Variants in C3orf49 observed in about 807,000 individuals in gnomAD.
C3orf49 encodes chromosome 3 open reading frame 49.
A neutral mutation model predicts 13.3 loss-of-function variants in C3orf49; 27 were observed. That is an observed-to-expected ratio of 2.02 (90% CI 1.49 to 2.79). The LOEUF (loss-of-function observed/expected upper bound fraction) is 2.79, where lower values mean the gene tolerates loss of function less well. Among genes scored for constraint, C3orf49 ranks in the 30% most tolerant of loss-of-function variants. The probability of loss-of-function intolerance (pLI) is 0.00; values close to 1 mark genes in which losing one functional copy is unlikely to be tolerated. For missense variants in C3orf49, 242 were observed against 134.2 expected, an observed-to-expected ratio of 1.80 and a Z score of -3.97; for synonymous variants, 87 against 47.6, an observed-to-expected ratio of 1.83 and a Z score of -3.40.
chr3:63,847,677 C>T (rs1701927270), intron 6 of C3orf49, among the ~76,000 whole-genome samples: 3 of 151,908 alleles, frequency 2.0e-5, no homozygotes, highest in African/African-American at 4.8e-5. Flanking sequence ...GCAGAGGTTG[C>T]AGTGAGCCAA....
the C3orf49 span, among the ~76,000 whole-genome samples, chr3:63,795,291 A>G: frequency 3.0e-4 from 46 of 152,050 alleles, no homozygotes; most frequent in Non-Finnish European, 5.0e-4. Flanking sequence ...CCAATGGGAA[A>G]CGTCTAGGGG....
At chr3:63,786,964 C>T in the C3orf49 span, 2 of 152,114 alleles carry the variant, frequency 1.3e-5, no homozygotes, top group Non-Finnish European at 2.9e-5. Context: ...GGGCAAAAAT[C>T]CATAAGAGAA....
chr3:63,846,145 CT>C (rs1559605965), intron 6 of C3orf49: 1 of 428,286 alleles, frequency 2.3e-6, no homozygotes, highest in Admixed American at 2.6e-5. Flanking sequence ...GCCTCTCTCT[CT>C]CTTTCTTTGC....
the C3orf49 span, among the ~76,000 whole-genome samples, chr3:63,796,689 C>T: frequency 1.3e-5 from 2 of 152,090 alleles, no homozygotes; most frequent in Non-Finnish European, 2.9e-5. Context: ...CCAGTTTCTC[C>T]TCTTGTCACT....
chr3:63,822,750 A>G (rs923045376), intron 1 of C3orf49, among the ~76,000 whole-genome samples: 19 of 152,232 alleles, frequency 1.2e-4, no homozygotes, highest in African/African-American at 3.6e-4. Flanking sequence ...ATGTAAATGC[A>G]GTATTTATGG....
chr3:63,783,161 C>T, the C3orf49 span: 1 of 152,190 alleles, frequency 6.6e-6, no homozygotes, highest in African/African-American at 2.4e-5. Flanking sequence ...CAGAAAACTC[C>T]TCTGTTCCAG....
chr3:63,797,878 T>C, the C3orf49 span, among the ~76,000 whole-genome samples: 1 of 152,134 alleles, frequency 6.6e-6, no homozygotes, highest in East Asian at 1.9e-4. Context: ...TTTAGGTAGG[T>C]CTAGATGTGG....
chr3:63,838,168 C>T (rs1575803270), intron 5 of C3orf49: 1 of 1,106,422 alleles, frequency 9.0e-7, no homozygotes, highest in South Asian at 1.6e-5. Flanking sequence ...AAAATAGACA[C>T]TAGTATTTTT....
the C3orf49 span, among the ~76,000 whole-genome samples, chr3:63,782,099 T>C: frequency 6.6e-6 from 1 of 152,182 alleles, no homozygotes; most frequent in Non-Finnish European, 1.5e-5. Context: ...CAATACGGTT[T>C]TATAAACTCC....
the C3orf49 span, among the ~76,000 whole-genome samples, chr3:63,793,653 A>T: frequency 6.6e-6 from 1 of 152,070 alleles, no homozygotes; most frequent in African/African-American, 2.4e-5. Flanking sequence ...ATCGTTTTAA[A>T]ATTGCAAACT....
chr3:63,782,432 C>T, the C3orf49 span: 1 of 152,006 alleles, frequency 6.6e-6, no homozygotes, highest in African/African-American at 2.4e-5. Context: ...ATGATCTTAC[C>T]TGTAGATAAG....
At chr3:63,828,293 TTTTG>T (rs569706594) in intron 3 of C3orf49, among the ~76,000 whole-genome samples, 83 of 151,870 alleles carry the variant, frequency 5.5e-4, no homozygotes, top group Non-Finnish European at 9.0e-4. Context: ...TATGCATGGG[TTTTG>T]TTTGTGTGTT....
intron 5 of C3orf49, among the ~76,000 whole-genome samples, chr3:63,841,105 C>G (rs191581593): frequency 3.4e-4 from 51 of 152,226 alleles, no homozygotes; most frequent in Non-Finnish European, 7.4e-5. Flanking sequence ...TGCAGATATA[C>G]TGATACCAAA....
chr3:63,802,817 C>A, the C3orf49 span, among the ~76,000 whole-genome samples: 4 of 152,184 alleles, frequency 2.6e-5, no homozygotes, highest in African/African-American at 9.6e-5. Context: ...TGGTTGAAAA[C>A]TAGGTTTATC....
chr3:63,792,706 A>G, the C3orf49 span, among the ~76,000 whole-genome samples: 1 of 152,184 alleles, frequency 6.6e-6, no homozygotes, highest in Non-Finnish European at 1.5e-5. Flanking sequence ...ATTTTATAGG[A>G]GCATTGATAT....
chr3:63,829,973 A>G (rs1180963193), intron 3 of C3orf49, among the ~76,000 whole-genome samples: 1 of 152,162 alleles, frequency 6.6e-6, no homozygotes, highest in Admixed American at 6.6e-5. Flanking sequence ...CTTAAAATAT[A>G]TATATGTATT....
At chr3:63,801,973 G>T in the C3orf49 span, among the ~76,000 whole-genome samples, 1 of 152,198 alleles carries the variant, frequency 6.6e-6, no homozygotes, top group South Asian at 2.1e-4. Context: ...CAATGCAAAT[G>T]CCTATTCTTT....
intron 5 of C3orf49, among the ~76,000 whole-genome samples, chr3:63,844,256 G>T (rs1057441208): frequency 6.6e-6 from 1 of 152,172 alleles, no homozygotes; most frequent in African/African-American, 2.4e-5. Context: ...TTACAGTTAG[G>T]CAAGAGCAAT....
At chr3:63,813,300 G>A in the C3orf49 span, among the ~76,000 whole-genome samples, 1 of 152,184 alleles carries the variant, frequency 6.6e-6, no homozygotes, top group African/African-American at 2.4e-5. Context: ...GAAGATTTCA[G>A]ATGCTGGCAG....
Sources: allele counts gnomAD v4.1 joint callset (sites outside exome capture counted in the v4.1 genomes callset), GRCh38; gene constraint gnomAD v4.1.1; transcripts MANE v1.5; gene names NCBI Gene and HGNC (gene_info 2026-07-23, HGNC 2026-07-21).